Variants in GNL3L observed in about 807,000 individuals in gnomAD.
GNL3L encodes guanine nucleotide-binding protein-like 3-like protein.
GNL3L carries 4 observed loss-of-function variants against 42.9 expected under a neutral mutation model. The observed-to-expected ratio is 0.09, with a 90% CI of 0.05 to 0.21. The LOEUF is 0.21. GNL3L is among the 10% of genes least tolerant of loss of function. The pLI is 1.00. For synonymous variants in GNL3L, 159 were observed against 176.3 expected (o/e 0.90, Z 0.78); for missense variants, 412 against 481.7 (o/e 0.86, Z 1.36).
At position 54,543,010 on chromosome X, in the gene GNL3L, G is replaced by T; in HGVS notation, c.362G>T (p.Arg121Met). ...CCTCAGCTGGATGACGAGGCCACGA[G>T]GAAGGCTTATTACAAGGAGTTCCGT... Reference protein sequence around the residue: ...MFPQLDDEATRKAYYKEFRKV... With the variant: ...MFPQLDDEATMKAYYKEFRKV... Residue 121 changes from arginine (R) to methionine (M), a missense_variant, in exon 6 of 16, where the codon AGG becomes ATG. Arg to Met is a moderately conservative substitution (Grantham distance 91). Coordinates refer to ENST00000360845, the MANE Select transcript of GNL3L (RefSeq NM_001184819.2). 1 of 1,190,654 alleles carries T rather than the reference G, an allele frequency of 8.4e-7. No individual in the cohort carries two copies. The highest frequency in any genetic ancestry group is 1.1e-6 in the Non-Finnish European group (1 of 876,438).
chrX:54,548,906 A>G (rs1299749106), intron 9 of GNL3L, among the ~76,000 whole-genome samples: 1 of 111,656 alleles, frequency 9.0e-6, no homozygotes, highest in East Asian at 2.8e-4. Context: ...GGATAGATAC[A>G]GAAGAAGACA....
intron 16 of GNL3L, among the ~76,000 whole-genome samples, chrX:54,595,108 C>T (rs776226009): frequency 3.6e-5 from 4 of 112,012 alleles, no homozygotes; most frequent in Non-Finnish European, 7.5e-5. Flanking sequence ...TTACTATTAG[C>T]AGTGAGTTTT....
chrX:54,541,321 C>A lies in GNL3L; in HGVS notation c.238C>A (p.Gln80Lys). ...GCAAGCCGCCCGGGAGCAAGAAAGA[C>A]AAAAACGCAGGACCATTGAGAGCTA... The part of the protein sequence containing the change: ...KQQAAREQER[Q>K]KRRTIESYCQ... Residue 80 changes from glutamine (Q) to lysine (K), a missense_variant, in exon 5 of 16, where the codon CAA becomes AAA. Gln to Lys is a moderately conservative substitution (Grantham distance 53). Coordinates refer to ENST00000360845, the MANE Select transcript of GNL3L (RefSeq NM_001184819.2). 8.3e-7 allele frequency: 1 copy of A among 1,210,372 alleles called. No homozygotes were observed. Among genetic ancestry groups the A allele is most frequent in the Non-Finnish European group, 1.1e-6 (1 of 894,345 alleles).
At chrX:54,626,610 T>A in the GNL3L span, among the ~76,000 whole-genome samples, 2 of 112,049 alleles carry the variant, frequency 1.8e-5, no homozygotes, top group African/African-American at 6.5e-5. Flanking sequence ...TGGTTTTTTA[T>A]GTCTGCACTA....
chrX:54,593,584 TTTCA>T (rs977247656), intron 16 of GNL3L, among the ~76,000 whole-genome samples: 6 of 111,162 alleles, frequency 5.4e-5, no homozygotes, highest in African/African-American at 1.6e-4. Context: ...TTTATATTGT[TTTCA>T]TTTCATATTT....
chrX:54,552,484 C>G lies in GNL3L; in HGVS notation c.1318+56C>G, dbSNP rs1004952572. Reference sequence around the variant, plus strand: ...CTTGCACTAGTGGGGCCACACAGACCTGACAGCAAATCCCACTTTTGACCT... The same window carrying G: ...CTTGCACTAGTGGGGCCACACAGACGTGACAGCAAATCCCACTTTTGACCT... On this transcript the variant is annotated intron_variant, in intron 13 of 15. Transcript: ENST00000360845. The G allele has an allele frequency of 2.7e-5, 30 of 1,108,761 alleles. No individual in the cohort carries two copies. In the South Asian group the frequency reaches 5.1e-4, roughly 19 times the overall value. The allele number at this position is 1,108,761 out of a possible 1,213,427, so 91.4% of individuals were successfully genotyped here.
downstream of GNL3L, among the ~76,000 whole-genome samples, chrX:54,570,501 G>A (rs1329514603): frequency 8.9e-6 from 1 of 111,920 alleles, no homozygotes; most frequent in Non-Finnish European, 1.9e-5. Flanking sequence ...CAATTTGACA[G>A]TCTCTGCCTT....
chrX:54,611,151 A>G (rs1482305738), intron 16 of GNL3L, among the ~76,000 whole-genome samples: 1 of 110,543 alleles, frequency 9.0e-6, no homozygotes, highest in Non-Finnish European at 1.9e-5. Context: ...TGTTCATAGT[A>G]CCCTTGAATG....
chrX:54,589,057 T>C (rs1205169786), intron 16 of GNL3L, among the ~76,000 whole-genome samples: 1 of 111,418 alleles, frequency 9.0e-6, no homozygotes, highest in Non-Finnish European at 1.9e-5. Flanking sequence ...TAGGTATATA[T>C]GTTTATGGAA....
chrX:54,619,437 G>A (rs1926261173), intron 16 of GNL3L, among the ~76,000 whole-genome samples: 1 of 110,574 alleles, frequency 9.0e-6, no homozygotes, highest in South Asian at 3.8e-4. Flanking sequence ...AAAACTTTTG[G>A]AAATATAGGT....
chrX:54,554,448 G>A, intron 13 of GNL3L, 117 bp from the exon 14 acceptor site: 1 of 678,544 alleles, frequency 1.5e-6, no homozygotes, highest in Non-Finnish European at 2.2e-6. Context: ...GAGTGAAAAA[G>A]TTCCTGCACC....
At chrX:54,625,655 A>C (rs990801019), downstream of GNL3L, among the ~76,000 whole-genome samples, 3 of 110,929 alleles carry the variant, frequency 2.7e-5, no homozygotes, top group East Asian at 8.4e-4. Context: ...AGTATTTATT[A>C]TAGCCTTATT....
chrX:54,593,124 A>G (rs1925890025), intron 16 of GNL3L, among the ~76,000 whole-genome samples: 3 of 111,775 alleles, frequency 2.7e-5, no homozygotes, highest in Non-Finnish European at 5.6e-5. Flanking sequence ...AGATCAGGAT[A>G]ATACTAGCTT....
Position 54,621,381 on chromosome X carries a change from G to A in GNL3L, c.*582G>A, listed in dbSNP as rs146477100. On this transcript the variant is annotated 3_prime_UTR_variant, in exon 17 of 17. Transcript: ENST00000674498. Reference sequence around the variant, plus strand: ...GAGCTCTTAGCTGACAAGCAGTATCGACTATAAGCCATTTGAGTGAGCCTT... The same window carrying A: ...GAGCTCTTAGCTGACAAGCAGTATCAACTATAAGCCATTTGAGTGAGCCTT... Among the ~76,000 whole-genome samples the A allele has an allele frequency of 3.6e-3, 398 of 111,528 alleles. 1 individual carries two copies. The highest frequency in any genetic ancestry group is 6.5e-3 in the Non-Finnish European group (346 of 53,182).
At chrX:54,579,423 A>G in intron 16 of GNL3L, among the ~76,000 whole-genome samples, 1 of 112,284 alleles carries the variant, frequency 8.9e-6, no homozygotes, top group South Asian at 3.6e-4. Flanking sequence ...AGTTTTTGAG[A>G]CAGTGTCTTG....
intron 16 of GNL3L, among the ~76,000 whole-genome samples, chrX:54,601,083 AG>A (rs1314977987): frequency 8.9e-6 from 1 of 111,922 alleles, no homozygotes; most frequent in Non-Finnish European, 1.9e-5. Context: ...GCTAAGTGAA[AG>A]AAGGCAGTCA....
In GNL3L at chrX:54,564,731, CTTTTT is replaced by C. The variant is rs781526946; in HGVS notation, c.*4145_*4149del. On this transcript the variant is annotated 3_prime_UTR_variant, in exon 16 of 16. Transcript: ENST00000360845. ...TTTTTCTTTGTTCTTATATTTTTGT[CTTTTT>C]TTTTTTTTTTTTTTTGAAACAGAGT... Among the ~76,000 whole-genome samples, 10 of 71,897 alleles carry C rather than the reference CTTTTT, an allele frequency of 1.4e-4. No individual in the cohort carries two copies. The highest frequency in any genetic ancestry group is 2.3e-4 in the Non-Finnish European group (9 of 38,703). 62.4% of individuals were successfully genotyped at this position (71,897 alleles called of 115,157 possible).
intron 16 of GNL3L, among the ~76,000 whole-genome samples, chrX:54,597,904 G>A (rs1057088842): frequency 6.3e-5 from 7 of 111,232 alleles, no homozygotes; most frequent in East Asian, 5.7e-4. Flanking sequence ...TCTACACCCC[G>A]CTGCCACTGC....
At chrX:54,552,879 C>T (rs1490542782) in intron 13 of GNL3L, among the ~76,000 whole-genome samples, 1 of 112,124 alleles carries the variant, frequency 8.9e-6, no homozygotes, top group Non-Finnish European at 1.9e-5. Flanking sequence ...AAAAGGATGT[C>T]AGCAGAGGTG....
Sources: allele counts gnomAD v4.1 joint callset (sites outside exome capture counted in the v4.1 genomes callset), GRCh38; gene constraint gnomAD v4.1.1; transcripts MANE v1.5; gene names NCBI Gene and HGNC (gene_info 2026-07-23, HGNC 2026-07-21).